The following USP39 variants were observed in gnomAD, a reference collection of about 807,000 sequenced individuals.
The protein encoded by USP39 is ubiquitin specific peptidase 39.
Under a neutral mutation model 66.4 loss-of-function variants are expected in USP39, and 38 were observed. That is an observed-to-expected ratio of 0.57 (90% CI 0.44 to 0.75). USP39 has a LOEUF of 0.75. Among genes scored for constraint, USP39 ranks in the 30% least tolerant of loss-of-function variants. USP39 has a pLI of 0.00. For synonymous variants in USP39, 303 were observed against 274.6 expected, an observed-to-expected ratio of 1.10 and a Z score of -1.02; for missense variants, 608 against 714.4, an observed-to-expected ratio of 0.85 and a Z score of 1.70.
At chr2:85,640,630 CTT>C (rs1290808649) in intron 9 of USP39, among the ~76,000 whole-genome samples, 2 of 139,488 alleles carry the variant, frequency 1.4e-5, no homozygotes, top group Admixed American at 7.1e-5. Context: ...TTTTTTTTTT[CTT>C]TTTTTTTCTT....
At chr2:85,642,595 A>G (rs190224370) in intron 10 of USP39, among the ~76,000 whole-genome samples, 1 of 152,360 alleles carries the variant, frequency 6.6e-6, no homozygotes, top group Admixed American at 6.5e-5. Context: ...GAAGTTGAGA[A>G]AAAGATTGTT....
chr2:85,608,172 T>G (rs1265972076), upstream of USP39: 1 of 152,264 alleles, frequency 6.6e-6, no homozygotes, highest in African/African-American at 2.4e-5. Flanking sequence ...CAGGTTTTGC[T>G]GTAAGAAATC....
chr2:85,647,828 T>C lies in USP39; in HGVS notation c.1564-102T>C, dbSNP rs1676763917. On this transcript the variant is annotated intron_variant, in intron 11 of 12. Transcript: ENST00000323701. ...ATGACTGTTGCTGGATGATGTCTAG[T>C]GGCTGTTCTTCTAATTTTTCTAGTC... 13 of 958,778 alleles carry C rather than the reference T, an allele frequency of 1.4e-5. No individual in the cohort carries two copies. In the South Asian group the frequency reaches 1.8e-4, roughly 13 times the overall value. The allele number at this position is 958,778 out of a possible 1,614,324, so 59.4% of individuals were successfully genotyped here.
chr2:85,638,291 G>T (rs1675941083), intron 8 of USP39, among the ~76,000 whole-genome samples: 1 of 151,884 alleles, frequency 6.6e-6, no homozygotes, highest in Non-Finnish European at 1.5e-5. Context: ...CAAAGTGCTG[G>T]GATTACAGAC....
chr2:85,627,644 A>T lies in USP39; in HGVS notation c.723+1953A>T, dbSNP rs543035902. 2.7e-3 allele frequency among the ~76,000 whole-genome samples: 404 copies of T among 151,776 alleles called. 4 individuals are homozygous for T. Among genetic ancestry groups the T allele is most frequent in the African/African-American group, 9.4e-3 (389 of 41,388 alleles). On this transcript the variant is annotated intron_variant, in intron 5 of 12. Transcript: ENST00000323701. Reference sequence around the variant, plus strand: ...GTCTCTATTTAAAAAAAAAAAAAAAAATTAGCTGGGCACAGTGGTGCATGC... The same window carrying T: ...GTCTCTATTTAAAAAAAAAAAAAAATATTAGCTGGGCACAGTGGTGCATGC...
chr2:85,608,805 C>CT, upstream of USP39: 6 of 1,130,426 alleles, frequency 5.3e-6, no homozygotes, highest in Admixed American at 2.3e-5. Context: ...CAGGTGTAGT[C>CT]CTGCAACACC....
At chr2:85,641,164 A>G (rs1485858404) in intron 10 of USP39, 46 bp downstream of exon 10, 17 of 1,604,226 alleles carry the variant, frequency 1.1e-5, no homozygotes, top group Non-Finnish European at 1.4e-5. Context: ...GTGAACCTGG[A>G]TTTCTTCTCT....
At chr2:85,616,936 C>A (rs1674028315) in intron 1 of USP39, among the ~76,000 whole-genome samples, 1 of 151,800 alleles carries the variant, frequency 6.6e-6, no homozygotes, top group Admixed American at 6.6e-5. Context: ...GTGATCCGCC[C>A]GCCTCGGCCT....
intron 1 of USP39, among the ~76,000 whole-genome samples, chr2:85,618,376 A>G (rs1368300246): frequency 6.6e-6 from 1 of 151,900 alleles, no homozygotes; most frequent in East Asian, 2.0e-4. Context: ...AGCCTGGCCA[A>G]CATGGTGAAA....
chr2:85,615,729 C>G (rs1440848327), upstream of USP39, among the ~76,000 whole-genome samples: 2 of 152,210 alleles, frequency 1.3e-5, no homozygotes, highest in Non-Finnish European at 2.9e-5. Flanking sequence ...CTCCTGGGTT[C>G]AAGCGATTCT....
At chr2:85,643,315 C>G (rs1244599044) in intron 10 of USP39, among the ~76,000 whole-genome samples, 1 of 151,846 alleles carries the variant, frequency 6.6e-6, no homozygotes, top group Non-Finnish European at 1.5e-5. Flanking sequence ...ACGGTGAAAC[C>G]CCGTCTCTAC....
intron 5 of USP39, 121 bp downstream of exon 5, chr2:85,625,812 A>C (rs1674809699): frequency 7.9e-7 from 1 of 1,266,680 alleles, no homozygotes; most frequent in Non-Finnish European, 1.1e-6. Flanking sequence ...TGAGGTCAAG[A>C]GTTTGAGCCA....
Position 85,616,287 on chromosome 2 carries a change from A to G in USP39, c.92A>G (p.Glu31Gly). ...SRGSSGRVKR[E>G]RDREREPEAA... ...GGCAGCTCCGGTCGCGTCAAGCGGGAGCGAGATCGGGAGCGGGAGCCTGAG... is the reference window on the plus strand; with the variant it reads ...GGCAGCTCCGGTCGCGTCAAGCGGGGGCGAGATCGGGAGCGGGAGCCTGAG... Residue 31 changes from glutamate to glycine, a missense_variant, in exon 1 of 13, where the codon GAG (glutamate) becomes GGG (glycine). Physicochemically the swap from Glu to Gly is moderately conservative, Grantham distance 98 (BLOSUM62 -2). Around this residue, in one of 6 missense-constraint regions of USP39, gnomAD observed 207 missense variants for 145.7 expected, o/e 1.42. Coordinates refer to ENST00000323701, the MANE Select transcript of USP39 (RefSeq NM_006590.4). 1 of 1,561,590 alleles carries G rather than the reference A, an allele frequency of 6.4e-7. No individual in the cohort carries two copies. The highest frequency in any genetic ancestry group is 1.2e-5 in the South Asian group (1 of 85,382).
chr2:85,636,190 G>A (rs184153684), intron 7 of USP39, 60 bp downstream of exon 7: 30 of 1,498,268 alleles, frequency 2.0e-5, no homozygotes, highest in African/African-American at 2.8e-5. Flanking sequence ...CTTTGCGGTC[G>A]GTCGCAATGG....
chr2:85,629,127 G>A (rs546604559), intron 5 of USP39, among the ~76,000 whole-genome samples: 10 of 151,726 alleles, frequency 6.6e-5, no homozygotes, highest in African/African-American at 2.4e-4. Flanking sequence ...GCAATGGCGC[G>A]ATCTTGGCTC....
intron 6 of USP39, among the ~76,000 whole-genome samples, chr2:85,633,831 CTTTTTTTTTTT>C (rs35970499): frequency 3.8e-5 from 3 of 78,996 alleles, no homozygotes; most frequent in African/African-American, 5.2e-5. Context: ...CGAGTAGTGG[CTTTTTTTTTTT>C]TTTTTTTTTT....
At chr2:85,609,032 C>T (rs1003670028), upstream of USP39, 11 of 1,614,088 alleles carry the variant, frequency 6.8e-6, no homozygotes, top group African/African-American at 2.7e-5. Flanking sequence ...GCGTGTGTGC[C>T]GACACCTTCT....
In USP39 at chr2:85,639,218, G is replaced by A. The variant is rs1402201084; in HGVS notation, c.1111G>A (p.Glu371Lys). Residue 371 changes from glutamate to lysine, a missense_variant, in exon 9 of 13, where the codon GAG becomes AAG. By Grantham distance (56) the Glu-to-Lys change is moderately conservative. Around this residue, in one of 6 missense-constraint regions of USP39, gnomAD observed 164 missense variants for 250.3 expected, o/e 0.66. Coordinates refer to ENST00000323701, the MANE Select transcript of USP39 (RefSeq NM_006590.4). ...PHPDLPAEEK[E>K]QLLHNDEYQE... Reference sequence around the variant, plus strand: ...TCATTTCTAGCCAGCAGAAGAAAAAGAGCAGTTGCTCCATAATGACGAGTA... The same window carrying A: ...TCATTTCTAGCCAGCAGAAGAAAAAAAGCAGTTGCTCCATAATGACGAGTA... The A allele has an allele frequency of 1.2e-6, 2 of 1,612,180 alleles. No individual in the cohort carries two copies. Among genetic ancestry groups the A allele is most frequent in the Non-Finnish European group, 1.7e-6 (2 of 1,179,224 alleles).
upstream of USP39, among the ~76,000 whole-genome samples, chr2:85,613,526 C>G (rs541561668): frequency 4.4e-4 from 67 of 152,136 alleles, no homozygotes; most frequent in Admixed American, 1.2e-3. Context: ...AAAACAGGGA[C>G]CAATGGTGGT....
Sources: gnomAD v4.1 joint callset for allele counts (sites outside exome capture counted in the v4.1 genomes callset) on GRCh38, gnomAD v4.1.1 for gene constraint, gnomAD v4.1.1 regional missense constraint, MANE v1.5 for transcripts, NCBI Gene and HGNC (gene_info 2026-07-23, HGNC 2026-07-21) for gene names.